NIPBL: variants seen among roughly 807,000 people sequenced by gnomAD.
NIPBL encodes NIPBL cohesin loading factor, also known as nipped-B-like protein.
A neutral mutation model predicts 321.8 loss-of-function variants in NIPBL; 19 were observed. That is an observed-to-expected ratio of 0.06 (90% confidence interval 0.04 to 0.09). The LOEUF is 0.09. Ranked by LOEUF, NIPBL falls within the 10% of genes least tolerant of loss-of-function variation. NIPBL has a pLI of 1.00. For synonymous variants in NIPBL, 1,106 were observed against 1,114.1 expected (o/e 0.99, Z 0.14); for missense variants, 2,210 against 3,327.0 (o/e 0.66, Z 8.26).
intron 1 of NIPBL, among the ~76,000 whole-genome samples, chr5:36,890,243 T>A (rs766634086): frequency 2.7e-5 from 4 of 149,836 alleles, no homozygotes; most frequent in African/African-American, 9.7e-5. Context: ...CATCTTTATA[T>A]GTAGTTTTTT....
chr5:36,997,861 A>G (rs575220532), intron 11 of NIPBL, among the ~76,000 whole-genome samples: 42 of 152,226 alleles, frequency 2.8e-4, no homozygotes, highest in Non-Finnish European at 5.7e-4. Flanking sequence ...GTTAAGTTGC[A>G]AGCATTATGC....
At chr5:37,026,140 A>G in intron 30 of NIPBL, 89 bp from the exon 31 acceptor site, 1 of 746,110 alleles carries the variant, frequency 1.3e-6, no homozygotes, top group Non-Finnish European at 2.4e-6. Context: ...AGTTATTTAT[A>G]GCTTTGTGTT....
At chr5:37,030,101 A>G (rs987252053) in intron 32 of NIPBL, among the ~76,000 whole-genome samples, 2 of 152,228 alleles carry the variant, frequency 1.3e-5, no homozygotes, top group African/African-American at 4.8e-5. Context: ...AGAATCTACA[A>G]TAATGTCATC....
At chr5:36,944,766 A>G (rs1339013247) in intron 1 of NIPBL, among the ~76,000 whole-genome samples, 1 of 152,002 alleles carries the variant, frequency 6.6e-6, no homozygotes, top group African/African-American at 2.4e-5. Flanking sequence ...TGAATTTTTA[A>G]TTTTCTCACT....
At chr5:36,944,832 A>C (rs552923894) in intron 1 of NIPBL, among the ~76,000 whole-genome samples, 2 of 152,146 alleles carry the variant, frequency 1.3e-5, no homozygotes, top group African/African-American at 4.8e-5. Flanking sequence ...ATTTTCACAT[A>C]AAAGCCTTTT....
At chr5:36,892,369 A>G (rs1490365492) in intron 1 of NIPBL, among the ~76,000 whole-genome samples, 4 of 152,208 alleles carry the variant, frequency 2.6e-5, no homozygotes, top group African/African-American at 4.8e-5. Context: ...CCATTGTGGA[A>G]GTCAGTGTGG....
Position 36,996,562 on chromosome 5 carries a change from C to T in NIPBL, c.3304+758C>T, listed in dbSNP as rs1746163822. On this transcript the variant is annotated intron_variant, in intron 11 of 46. Coordinates refer to ENST00000282516, the MANE Select transcript of NIPBL (RefSeq NM_133433.4). The surrounding 1 kb of genome is among the most constrained non-coding windows in gnomAD (Gnocchi z 5.0). ...TTGCTATACCTCGCCTGTCTTCCTACTGGTCCACTGAAAAAGTTCTTCTCT... is the reference window on the plus strand; with the variant it reads ...TTGCTATACCTCGCCTGTCTTCCTATTGGTCCACTGAAAAAGTTCTTCTCT... 2 of 455,400 alleles carry T rather than the reference C, an allele frequency of 4.4e-6. No homozygotes were observed. The highest frequency in any genetic ancestry group is 8.8e-6 in the Non-Finnish European group (2 of 226,374). The allele number at this position is 455,400 out of a possible 1,614,324, so 28.2% of individuals were successfully genotyped here. A position where few individuals can be genotyped will look rare whatever the true frequency, so the allele number is the denominator to read the frequency against.
chr5:36,988,875 G>C (rs1260409141), intron 10 of NIPBL, among the ~76,000 whole-genome samples: 2 of 152,234 alleles, frequency 1.3e-5, no homozygotes, highest in East Asian at 3.9e-4. Flanking sequence ...TTGTGTGATA[G>C]AGGTATAGAT....
At chr5:36,877,828 A>T (rs776217242) in intron 1 of NIPBL, among the ~76,000 whole-genome samples, 1 of 152,242 alleles carries the variant, frequency 6.6e-6, no homozygotes, top group Non-Finnish European at 1.5e-5. Flanking sequence ...AATCGTCCAC[A>T]TGAATATTTA....
chr5:36,961,381 A>G (rs533029535), intron 4 of NIPBL, 103 bp from the exon 5 acceptor site: 1 of 781,962 alleles, frequency 1.3e-6, no homozygotes, highest in Non-Finnish European at 2.3e-6. Context: ...ACATTGATCA[A>G]AAAAATCTCT....
intron 1 of NIPBL, among the ~76,000 whole-genome samples, chr5:36,892,208 C>T (rs930375672): frequency 6.6e-5 from 10 of 152,126 alleles, no homozygotes; most frequent in African/African-American, 1.7e-4. Flanking sequence ...CACTGGCCAT[C>T]AGAGAAATGC....
chr5:37,044,592 A>C (rs1268666148), intron 35 of NIPBL, 44 bp from the exon 36 acceptor site: 1 of 1,576,970 alleles, frequency 6.3e-7, no homozygotes, highest in South Asian at 1.1e-5. Flanking sequence ...TTTTTAAAAT[A>C]GTATATTTTT....
chr5:37,048,418 T>A, intron 38 of NIPBL, 84 bp from the exon 39 acceptor site: 1 of 813,466 alleles, frequency 1.2e-6, no homozygotes, highest in Non-Finnish European at 1.7e-6. Flanking sequence ...AAGGAGCCGT[T>A]TATATAATTT....
rs1370046423 is a variant in NIPBL at position 37,010,347 on chromosome 5, G to A, written c.4560+122G>A. ...TTTCTTTTTTTTGAGACGGAGTCTCGCTCTGTCACCCAGGCTGGAGTGCAG... is the reference window on the plus strand; with the variant it reads ...TTTCTTTTTTTTGAGACGGAGTCTCACTCTGTCACCCAGGCTGGAGTGCAG... On this transcript the variant is annotated intron_variant, in intron 21 of 46. Transcript: ENST00000282516. 55 of 782,010 alleles carry A rather than the reference G, an allele frequency of 7.0e-5. No homozygotes were observed. The East Asian group carries it at 1.6e-3, about 22-fold the overall frequency. 48.4% of individuals were successfully genotyped at this position (782,010 alleles called of 1,614,324 possible).
At chr5:36,988,118 T>G (rs987360106) in intron 10 of NIPBL, among the ~76,000 whole-genome samples, 3 of 152,178 alleles carry the variant, frequency 2.0e-5, no homozygotes, top group Admixed American at 2.0e-4. Flanking sequence ...TAAAACTCCT[T>G]AAAGAACATC....
chr5:36,959,837 T>TCAA (rs1741405565), intron 4 of NIPBL, among the ~76,000 whole-genome samples: 1 of 152,254 alleles, frequency 6.6e-6, no homozygotes, highest in Non-Finnish European at 1.5e-5. Context: ...GATTTCTGTA[T>TCAA]ACCCTACTTT....
intron 38 of NIPBL, among the ~76,000 whole-genome samples, chr5:37,047,806 A>G (rs770582856): frequency 1.3e-5 from 2 of 152,208 alleles, no homozygotes; most frequent in Non-Finnish European, 2.9e-5. Flanking sequence ...CTATCATCAG[A>G]GATCTTCATT....
intron 1 of NIPBL, among the ~76,000 whole-genome samples, chr5:36,929,380 G>GT (rs1353826103): frequency 6.6e-6 from 1 of 151,936 alleles, no homozygotes; most frequent in Non-Finnish European, 1.5e-5. Flanking sequence ...AGTGTCTTAA[G>GT]TAAGTTCTTT....
At chr5:36,995,204 A>G (rs1249627210) in intron 10 of NIPBL, 1 of 172,426 alleles carries the variant, frequency 5.8e-6, no homozygotes, top group East Asian at 1.7e-4. Context: ...GAGGGGTAAC[A>G]TTAGATTCAA....
Sources: allele counts gnomAD v4.1 joint callset (sites outside exome capture counted in the v4.1 genomes callset), GRCh38; gene constraint gnomAD v4.1.1; non-coding constraint Gnocchi (gnomAD v3.1); transcripts MANE v1.5; gene names NCBI Gene and HGNC (gene_info 2026-07-23, HGNC 2026-07-21).